ZRANB3: variants seen among roughly 807,000 people sequenced by gnomAD.
ZRANB3 encodes the protein DNA annealing helicase and endonuclease ZRANB3.
Under a neutral mutation model 133.8 loss-of-function variants are expected in ZRANB3, and 125 were observed. That is an observed-to-expected ratio of 0.93 (90% CI 0.81 to 1.08). The LOEUF is 1.08. Ranked by LOEUF, ZRANB3 falls within the 50% of genes least tolerant of loss-of-function variation. The pLI, the probability that ZRANB3 is intolerant of heterozygous loss-of-function variation, is 0.00. For missense variants in ZRANB3, 1,229 were observed against 1,275.5 expected, an observed-to-expected ratio of 0.96 and a Z score of 0.56; for synonymous variants, 387 against 432.7, an observed-to-expected ratio of 0.89 and a Z score of 1.31.
chr2:135,234,460 G>T (rs1417244390), intron 12 of ZRANB3, among the ~76,000 whole-genome samples: 1 of 152,144 alleles, frequency 6.6e-6, no homozygotes, highest in East Asian at 1.9e-4. Flanking sequence ...GACATCTATA[G>T]AACTCTCCAC....
chr2:135,403,549 C>G (rs891858335), intron 2 of ZRANB3, among the ~76,000 whole-genome samples: 2 of 152,232 alleles, frequency 1.3e-5, no homozygotes, highest in African/African-American at 4.8e-5. Flanking sequence ...AAACAAAAGG[C>G]AGCAGAATCC....
chr2:135,298,248 T>A (rs1682250348), intron 8 of ZRANB3, among the ~76,000 whole-genome samples: 1 of 152,126 alleles, frequency 6.6e-6, no homozygotes, highest in African/African-American at 2.4e-5. Flanking sequence ...AAATATTATG[T>A]AAGTTGGTTT....
intron 3 of ZRANB3, among the ~76,000 whole-genome samples, chr2:135,379,387 T>C (rs934445356): frequency 1.6e-4 from 25 of 152,174 alleles, no homozygotes; most frequent in Non-Finnish European, 4.4e-5. Flanking sequence ...TCAAGAATAC[T>C]GTCTCAAAAA....
At position 135,227,864 on chromosome 2, in the gene ZRANB3, T is replaced by C. The variant is rs2105064136; in HGVS notation, c.2106A>G (p.Glu702=). 6.3e-7 allele frequency: 1 copy of C among 1,576,098 alleles called. No individual in the cohort carries two copies. Among genetic ancestry groups the C allele is most frequent in the Non-Finnish European group, 8.6e-7 (1 of 1,158,918 alleles). Residue 702 remains glutamate (E), a synonymous_variant, in exon 14 of 21, where the codon GAA becomes GAG. Transcript: ENST00000264159. ...SEPGQLADSK[E]ETPKIEKEDG... ...CTTCTTTCTCAATTTTTGGTGTTTC[T>C]TCCTTGCTGTCAGCCAACTGGCCAG...
chr2:135,492,015 A>G (rs983107403), intron 2 of ZRANB3, among the ~76,000 whole-genome samples: 3 of 152,230 alleles, frequency 2.0e-5, no homozygotes, highest in African/African-American at 7.2e-5. Context: ...ACAAAACATT[A>G]GTTATAAAGA....
chr2:135,201,797 C>T (rs1226393587), intron 20 of ZRANB3, among the ~76,000 whole-genome samples: 1 of 151,744 alleles, frequency 6.6e-6, no homozygotes, highest in African/African-American at 2.4e-5. Context: ...GCAAACAAAA[C>T]AATTGCAGGC....
chr2:135,383,769 G>A (rs1191129146), intron 3 of ZRANB3, among the ~76,000 whole-genome samples: 1 of 152,136 alleles, frequency 6.6e-6, no homozygotes, highest in South Asian at 2.1e-4. Context: ...AATGAAGGCA[G>A]AAATAAAGAT....
intron 2 of ZRANB3, among the ~76,000 whole-genome samples, chr2:135,463,539 T>C (rs533916490): frequency 6.6e-6 from 1 of 152,134 alleles, no homozygotes; most frequent in Admixed American, 6.5e-5. Flanking sequence ...TGCCTCAGCC[T>C]CCTGAATAGC....
At chr2:135,384,522 G>C (rs111384177) in intron 3 of ZRANB3, among the ~76,000 whole-genome samples, 29,052 of 151,992 alleles carry the variant, frequency 0.19, 3,728 homozygotes, top group African/African-American at 0.34. Context: ...ATACCAAAGC[G>C]TGGCAGAGAC....
intron 2 of ZRANB3, among the ~76,000 whole-genome samples, chr2:135,447,072 G>GCT (rs1037389527): frequency 6.6e-6 from 1 of 151,452 alleles, no homozygotes; most frequent in African/African-American, 2.4e-5. Context: ...AGAGACTCTC[G>GCT]CTCTGTCTGT....
intron 2 of ZRANB3, among the ~76,000 whole-genome samples, chr2:135,462,705 GC>G (rs1391175307): frequency 1.3e-5 from 2 of 151,160 alleles, no homozygotes; most frequent in Non-Finnish European, 2.9e-5. Context: ...AGATTCTCCT[GC>G]CTCAGCATCC....
intron 3 of ZRANB3, among the ~76,000 whole-genome samples, chr2:135,371,030 T>C (rs1016501517): frequency 5.3e-5 from 8 of 152,200 alleles, no homozygotes; most frequent in Admixed American, 1.3e-4. Context: ...CATGTGGAAC[T>C]GTGAGTCAAT....
intron 2 of ZRANB3, among the ~76,000 whole-genome samples, chr2:135,422,647 C>T (rs1392151114): frequency 6.6e-6 from 1 of 152,070 alleles, no homozygotes; most frequent in African/African-American, 2.4e-5. Flanking sequence ...AGAAAAGCAA[C>T]CTGATTGTCA....
intron 5 of ZRANB3, 95 bp downstream of exon 5, chr2:135,349,889 A>T: frequency 1.1e-6 from 1 of 947,066 alleles, no homozygotes; most frequent in South Asian, 1.6e-5. Flanking sequence ...AAGGCATCTA[A>T]TTTGAAATTA....
At chr2:135,277,084 C>A (rs1335982502) in intron 8 of ZRANB3, among the ~76,000 whole-genome samples, 1 of 152,104 alleles carries the variant, frequency 6.6e-6, no homozygotes, top group African/African-American at 2.4e-5. Context: ...GTATATCCTA[C>A]AAAACTCATG....
intron 2 of ZRANB3, among the ~76,000 whole-genome samples, chr2:135,491,469 C>T (rs1412645400): frequency 2.6e-5 from 4 of 151,994 alleles, no homozygotes; most frequent in South Asian, 2.1e-4. Context: ...CTCAGCCTCC[C>T]GAGTAGCTGG....
At chr2:135,421,390 C>T (rs1688835449) in intron 2 of ZRANB3, among the ~76,000 whole-genome samples, 1 of 152,100 alleles carries the variant, frequency 6.6e-6, no homozygotes, top group Admixed American at 6.5e-5. Context: ...ATTTTTATTT[C>T]CATGGATAAC....
intron 1 of ZRANB3, among the ~76,000 whole-genome samples, chr2:135,528,312 T>C (rs1214827666): frequency 6.6e-6 from 1 of 152,108 alleles, no homozygotes; most frequent in Non-Finnish European, 1.5e-5. Context: ...TACGCCCAGC[T>C]AATTTTTTTA....
rs573619112 is a variant in ZRANB3, at chr2:135,350,042, T to A, written c.533A>T (p.Gln178Leu). ...AAGAAGAATGGCTCGTCTGGCTTTC[T>A]GTACTATTGGCAATAAAATCCTGCT... ...TRSRILLPIV[Q>L]KARRAILLTG... The change falls in exon 5 of 21, where the codon CAG becomes CTG. Residue 178 changes from glutamine (Q) to leucine (L), a missense_variant. Transcript: ENST00000264159. 35 of 1,613,890 alleles carry A rather than the reference T, an allele frequency of 2.2e-5. 1 individual carries two copies. The South Asian group carries it at 3.7e-4, about 17-fold the overall frequency.
Sources: allele counts gnomAD v4.1 joint callset (sites outside exome capture counted in the v4.1 genomes callset), GRCh38; gene constraint gnomAD v4.1.1; transcripts MANE v1.5; gene names NCBI Gene and HGNC (gene_info 2026-07-23, HGNC 2026-07-21).